Variants in SARDH observed in about 807,000 individuals in gnomAD.
SARDH encodes sarcosine dehydrogenase.
A neutral mutation model predicts 109.1 loss-of-function variants in SARDH; 95 were observed. The ratio of observed to expected loss-of-function variants is 0.87; its 90% CI spans 0.74 to 1.03. The LOEUF is 1.03. SARDH is among the 50% of genes least tolerant of loss of function. The pLI is 0.00. For synonymous variants in SARDH, 572 were observed against 534.8 expected (o/e 1.07, Z -0.96); for missense variants, 1,267 against 1,287.8 (o/e 0.98, Z 0.25).
chr9:133,732,396 C>T lies in SARDH; in HGVS notation c.510+27G>A, dbSNP rs747369824. Reference sequence around the variant, plus strand: ...TGCACCCACCCACCCAAGCCCCCCTCCTTGCCCCCCGCAGGGGAGCACACA... The same window carrying T: ...TGCACCCACCCACCCAAGCCCCCCTTCTTGCCCCCCGCAGGGGAGCACACA... On this transcript the variant is annotated intron_variant, in intron 3 of 20. Transcript: ENST00000439388. 3.8e-6 allele frequency: 6 copies of T among 1,562,670 alleles called. No individual in the cohort carries two copies. In the Admixed American group the frequency reaches 5.1e-5, roughly 13 times the overall value.
intron 17 of SARDH, among the ~76,000 whole-genome samples, chr9:133,679,847 G>T (rs1489719170): frequency 2.0e-5 from 3 of 152,196 alleles, no homozygotes; most frequent in Non-Finnish European, 4.4e-5. Flanking sequence ...GCAGCGGCAG[G>T]CGCCCGCTCT....
chr9:133,664,785 C>A (rs1167682071), intron 20 of SARDH, among the ~76,000 whole-genome samples: 1 of 152,164 alleles, frequency 6.6e-6, no homozygotes, highest in African/African-American at 2.4e-5. Context: ...GCGACAGGAG[C>A]TTTAGGAGTG....
intron 1 of SARDH, 141 bp from the exon 2 acceptor site, chr9:133,734,344 CTCATTCAT>C (rs781187543): frequency 4.4e-4 from 178 of 408,554 alleles, no homozygotes; most frequent in Admixed American, 1.3e-3. Context: ...CATTCATTCA[CTCATTCAT>C]TCATTCATTC....
Position 133,734,126 on chromosome 9 carries a change from G to A in SARDH, c.48C>T (p.Arg16=), listed in dbSNP as rs889155462. The A allele has an allele frequency of 2.5e-6, 4 of 1,609,654 alleles. No homozygotes were observed. Among genetic ancestry groups the A allele is most frequent in the Non-Finnish European group, 3.4e-6 (4 of 1,178,526 alleles). Residue 16 remains arginine (R), a synonymous_variant, in exon 2 of 21, where the codon CGC becomes CGT. Transcript: ENST00000439388. ...GCCCCATGCCCCGGGTAGGGCTCTG[G>A]CGAGGGTGGGCAGCAGCCACACGTA... ...RALRVAAAHP[R]QSPTRGMGPC...
intron 15 of SARDH, among the ~76,000 whole-genome samples, 165 bp from the exon 16 acceptor site, chr9:133,690,692 G>A (rs1046999366): frequency 3.3e-5 from 5 of 152,000 alleles, no homozygotes; most frequent in Non-Finnish European, 7.4e-5. Flanking sequence ...GGTCCCCCAG[G>A]GCCACGCCTT....
chr9:133,683,000 C>T (rs1830753025), intron 17 of SARDH, among the ~76,000 whole-genome samples: 1 of 152,246 alleles, frequency 6.6e-6, no homozygotes. Flanking sequence ...GAGCAGGAGA[C>T]TGTGGGGAGA....
At chr9:133,701,621 C>T (rs1228140127) in intron 13 of SARDH, among the ~76,000 whole-genome samples, 4 of 152,242 alleles carry the variant, frequency 2.6e-5, no homozygotes, top group African/African-American at 9.6e-5. Flanking sequence ...GTCCCACAGG[C>T]TTTAGAAGCT....
chr9:133,730,850 G>C (rs1363943151), intron 4 of SARDH, among the ~76,000 whole-genome samples: 1 of 152,090 alleles, frequency 6.6e-6, no homozygotes, highest in African/African-American at 2.4e-5. Flanking sequence ...GGTGGCGGGT[G>C]CCTGTAGTCC....
chr9:133,683,214 C>T (rs1489062225), intron 17 of SARDH, among the ~76,000 whole-genome samples: 1 of 152,188 alleles, frequency 6.6e-6, no homozygotes, highest in African/African-American at 2.4e-5. Context: ...AAGGGCCAGC[C>T]CCAGGAGAGG....
rs780107292 is a variant in SARDH, at chr9:133,702,929, G to C, written c.1655C>G (p.Pro552Arg). Residue 552 changes from proline to arginine, a missense_variant, in exon 13 of 21, where the codon CCC (proline) becomes CGC (arginine). Physicochemically the swap from Pro to Arg is moderately radical, Grantham distance 103. Coordinates refer to ENST00000439388, the MANE Select transcript of SARDH (RefSeq NM_001134707.2). ...CCAGCTACGCACCGTGTCGTGGTGG[G>C]GCGGGAAGGCGAAGGTGTACTCGTC... ...LADEYTFAFP[P>R]HHDTIKKECL... 24 of 1,612,222 alleles carry C rather than the reference G, an allele frequency of 1.5e-5. No homozygotes were observed. Among genetic ancestry groups the C allele is most frequent in the Non-Finnish European group, 1.9e-5 (23 of 1,179,930 alleles).
chr9:133,719,828 C>A (rs1832262016), intron 6 of SARDH, among the ~76,000 whole-genome samples: 1 of 152,122 alleles, frequency 6.6e-6, no homozygotes, highest in African/African-American at 2.4e-5. Context: ...AACAAAACCA[C>A]AGGCCAGGCA....
Position 133,666,661 on chromosome 9 carries a change from G to A in SARDH, c.2631+74C>T. The A allele has an allele frequency of 1.1e-5, 17 of 1,536,402 alleles. No homozygotes were observed. Among genetic ancestry groups the A allele is most frequent in the Non-Finnish European group, 1.5e-5 (17 of 1,135,038 alleles). ...TCCCTATGCCCGGCACACTCAGGGT[G>A]CAGTGCAGGGAGCTGGTTTGGAGCT... On this transcript the variant is annotated intron_variant, in intron 20 of 20. Transcript: ENST00000439388. This position sits in a 1 kb window ranked among gnomAD's most constrained non-coding sequence, Gnocchi z 5.2.
At chr9:133,708,702 T>C in intron 10 of SARDH, among the ~76,000 whole-genome samples, 1 of 151,944 alleles carries the variant, frequency 6.6e-6, no homozygotes, top group East Asian at 1.9e-4. Flanking sequence ...GACATGGGAC[T>C]CCAGCCTCGC....
Position 133,718,882 on chromosome 9 carries a change from C to T in SARDH, c.1020+56G>A, listed in dbSNP as rs1477804556. ...TGGACTTCCTGAAAGAGGCCCTCTC[C>T]ATGCTGAGATGCAGCCCCAACTCCC... is the stretch of plus-strand genomic sequence containing the variant. On this transcript the variant is annotated intron_variant, in intron 7 of 20. Transcript: ENST00000439388. The surrounding 1 kb of genome is among the most constrained non-coding windows in gnomAD (Gnocchi z 4.2). 2 of 1,348,798 alleles carry T rather than the reference C, an allele frequency of 1.5e-6. No individual in the cohort carries two copies. Among genetic ancestry groups the T allele is most frequent in the African/African-American group, 2.9e-5 (2 of 69,362 alleles). The allele number at this position is 1,348,798 out of a possible 1,614,324, so 83.6% of individuals were successfully genotyped here.
At chr9:133,738,920 G>A (rs1197658370), upstream of SARDH, among the ~76,000 whole-genome samples, 1 of 152,240 alleles carries the variant, frequency 6.6e-6, no homozygotes, top group African/African-American at 2.4e-5. Flanking sequence ...GGTGTTTGGG[G>A]AGATGCCCCC....
rs1830340508 is a variant in SARDH at position 133,671,369 on chromosome 9, G to A, written c.2326+166C>T. On this transcript the variant is annotated intron_variant, in intron 18 of 20. Coordinates refer to ENST00000439388, the MANE Select transcript of SARDH (RefSeq NM_001134707.2). Reference sequence around the variant, plus strand: ...CAGCAAGAGGTTTTGGGGAAATGGAGGATGTCAGGCGCTGGGGTGTAGGGG... The same window carrying A: ...CAGCAAGAGGTTTTGGGGAAATGGAAGATGTCAGGCGCTGGGGTGTAGGGG... 3.3e-5 allele frequency among the ~76,000 whole-genome samples: 5 copies of A among 152,140 alleles called. No homozygotes were observed. In the South Asian group the frequency reaches 1.0e-3, roughly 32 times the overall value.
Position 133,704,649 on chromosome 9 carries a change from G to A in SARDH, c.1554+299C>T, listed in dbSNP as rs1831619212. On this transcript the variant is annotated intron_variant, in intron 12 of 20. Coordinates refer to ENST00000439388, the MANE Select transcript of SARDH (RefSeq NM_001134707.2). The surrounding 1 kb of genome is among the most constrained non-coding windows in gnomAD (Gnocchi z 4.5). ...GTCTTCTTGCTGTCTCCCCACCGCA[G>A]GACACCCCTTCTGCTCTGCCTACAG... Among the ~76,000 whole-genome samples, 1 of 152,220 alleles carries A rather than the reference G, an allele frequency of 6.6e-6. No individual in the cohort carries two copies. Among genetic ancestry groups the A allele is most frequent in the Non-Finnish European group, 1.5e-5 (1 of 68,036 alleles).
chr9:133,664,859 C>G (rs2131308918), intron 20 of SARDH, among the ~76,000 whole-genome samples: 1 of 152,352 alleles, frequency 6.6e-6, no homozygotes, highest in Middle Eastern at 3.4e-3. Context: ...CGCAGGCAGG[C>G]AGCATGGAGA....
intron 6 of SARDH, among the ~76,000 whole-genome samples, chr9:133,721,248 G>A (rs538384283): frequency 3.3e-5 from 5 of 152,176 alleles, no homozygotes; most frequent in Admixed American, 6.5e-5. Flanking sequence ...TCACAACACC[G>A]GATGGCCAGG....
Sources: allele counts gnomAD v4.1 joint callset (sites outside exome capture counted in the v4.1 genomes callset), GRCh38; gene constraint gnomAD v4.1.1; non-coding constraint Gnocchi (gnomAD v3.1); transcripts MANE v1.5; gene names NCBI Gene and HGNC (gene_info 2026-07-23, HGNC 2026-07-21).